Variants in RNF217 observed in about 807,000 individuals in gnomAD.
RNF217 encodes E3 ubiquitin-protein ligase RNF217.
Under a neutral mutation model 57.8 loss-of-function variants are expected in RNF217, and 31 were observed. That is an observed-to-expected ratio of 0.54 (90% CI 0.40 to 0.72). The LOEUF is 0.72. RNF217 is among the 30% of genes least tolerant of loss of function. The probability of loss-of-function intolerance (pLI) is 0.00; values close to 1 mark genes in which losing one functional copy is unlikely to be tolerated. For missense variants in RNF217, 696 were observed against 708.3 expected (o/e 0.98, Z 0.20); for synonymous variants, 313 against 294.0 (o/e 1.06, Z -0.66).
chr6:124,979,979 T>C (rs1464206441), intron 1 of RNF217, among the ~76,000 whole-genome samples: 2 of 152,200 alleles, frequency 1.3e-5, no homozygotes, highest in East Asian at 1.9e-4. Flanking sequence ...GTCTTTAGTA[T>C]AGCAGAACGT....
Position 124,962,572 on chromosome 6 carries a change from G to C in RNF217, c.28G>C (p.Gly10Arg). 1.6e-6 allele frequency: 2 copies of C among 1,247,314 alleles called. No homozygotes were observed. Among genetic ancestry groups the C allele is most frequent in the South Asian group, 3.0e-5 (1 of 33,144 alleles). 77.3% of individuals were successfully genotyped at this position (1,247,314 alleles called of 1,614,324 possible). MGEEQSTVS[G>R]GGGPQESQTL... ...GGGCGAGGAGCAGAGCACGGTGAGC[G>C]GCGGCGGCGGGCCCCAGGAGTCGCA... Residue 10 changes from glycine (G) to arginine (R), a missense_variant, in exon 1 of 6, where the codon GGC (glycine) becomes CGC (arginine). Gly to Arg is a moderately radical substitution (Grantham distance 125, BLOSUM62 -2). This residue lies in a region of RNF217 where 465 missense variants were observed against 386.8 expected (regional missense o/e 1.20). Transcript: ENST00000521654. This position sits in a 1 kb window ranked among gnomAD's most constrained non-coding sequence, Gnocchi z 4.6.
chr6:125,074,307 A>C (rs904676286), intron 3 of RNF217, among the ~76,000 whole-genome samples: 1 of 119,706 alleles, frequency 8.4e-6, no homozygotes, highest in African/African-American at 2.7e-5. Flanking sequence ...GTAGATAGAT[A>C]GATAGATAGA....
chr6:125,080,081 G>T (rs1788519792), intron 4 of RNF217, among the ~76,000 whole-genome samples: 1 of 151,978 alleles, frequency 6.6e-6, no homozygotes, highest in Non-Finnish European at 1.5e-5. Context: ...AAAATATACT[G>T]ATAATTATTT....
intron 1 of RNF217, among the ~76,000 whole-genome samples, chr6:124,978,000 T>C (rs551962968): frequency 8.5e-5 from 13 of 152,254 alleles, no homozygotes; most frequent in African/African-American, 2.9e-4. Context: ...CGTATTCTTA[T>C]TCTGTTAAAG....
chr6:125,012,057 A>G (rs1475151869), intron 1 of RNF217, among the ~76,000 whole-genome samples: 1 of 152,150 alleles, frequency 6.6e-6, no homozygotes, highest in Non-Finnish European at 1.5e-5. Flanking sequence ...AAAGCCTTAG[A>G]TTAAATGAAA....
chr6:124,990,979 A>T (rs954891070), intron 1 of RNF217, among the ~76,000 whole-genome samples: 1 of 152,168 alleles, frequency 6.6e-6, no homozygotes, highest in Non-Finnish European at 1.5e-5. Context: ...AGGTGGGAAG[A>T]TCACATGACC....
intron 1 of RNF217, among the ~76,000 whole-genome samples, chr6:125,035,478 A>C (rs1277219838): frequency 2.0e-5 from 3 of 152,164 alleles, no homozygotes; most frequent in Non-Finnish European, 2.9e-5. Flanking sequence ...GGAGAAATAA[A>C]ATACTTTACA....
intron 2 of RNF217, among the ~76,000 whole-genome samples, chr6:125,046,824 GA>G (rs1161737624): frequency 1.3e-5 from 2 of 151,932 alleles, no homozygotes; most frequent in African/African-American, 4.8e-5. Context: ...GTTGTTCTTT[GA>G]AACTGCTTGG....
At chr6:125,014,359 C>T (rs1455875754) in intron 1 of RNF217, among the ~76,000 whole-genome samples, 8 of 152,112 alleles carry the variant, frequency 5.3e-5, no homozygotes, top group African/African-American at 1.4e-4. Context: ...ACCACAGCCT[C>T]GGTACAATTC....
chr6:124,990,425 TA>T (rs534179037), intron 1 of RNF217, among the ~76,000 whole-genome samples: 114 of 152,340 alleles, frequency 7.5e-4, no homozygotes, highest in African/African-American at 2.6e-3. Context: ...ATTGATTTTA[TA>T]AGAGATATCT....
chr6:125,014,507 C>A (rs1245679940), intron 1 of RNF217, among the ~76,000 whole-genome samples: 1 of 152,122 alleles, frequency 6.6e-6, no homozygotes, highest in Admixed American at 6.6e-5. Flanking sequence ...AGTGTATATG[C>A]CTTTCTGATG....
In RNF217 at chr6:125,084,491, A is replaced by G. The variant is rs1193597870; in HGVS notation, c.*1554A>G. 1 of 152,016 alleles carries G rather than the reference A, an allele frequency of 6.6e-6. No homozygotes were observed. Among genetic ancestry groups the G allele is most frequent in the African/African-American group, 2.4e-5 (1 of 41,440 alleles). The allele number at this position is 152,016 out of a possible 1,614,324, so 9.4% of individuals were successfully genotyped here. A position where few individuals can be genotyped will look rare whatever the true frequency, so the allele number is the denominator to read the frequency against. On this transcript the variant is annotated 3_prime_UTR_variant, in exon 6 of 6. Coordinates refer to ENST00000521654, the MANE Select transcript of RNF217 (RefSeq NM_001286398.3). ...AGTCATCTGTCTTAGATGTACATTTATTTGTCAGCAACCTTGTCTGATTTG... is the reference window on the plus strand; with the variant it reads ...AGTCATCTGTCTTAGATGTACATTTGTTTGTCAGCAACCTTGTCTGATTTG...
intron 1 of RNF217, among the ~76,000 whole-genome samples, chr6:125,017,367 G>C (rs1785651668): frequency 6.6e-6 from 1 of 152,168 alleles, no homozygotes; most frequent in Non-Finnish European, 1.5e-5. Flanking sequence ...CCTAAGCAAG[G>C]TTTTTGAATC....
At chr6:125,030,041 G>A (rs961501940) in intron 1 of RNF217, among the ~76,000 whole-genome samples, 4 of 152,100 alleles carry the variant, frequency 2.6e-5, no homozygotes, top group South Asian at 2.1e-4. Flanking sequence ...GAGGTGAAAG[G>A]CATTTCTTAC....
chr6:124,988,508 G>A (rs1784437542), intron 1 of RNF217, among the ~76,000 whole-genome samples: 1 of 152,170 alleles, frequency 6.6e-6, no homozygotes, highest in African/African-American at 2.4e-5. Context: ...ACACATGATA[G>A]ATTTGAGTAT....
chr6:125,006,156 G>A (rs1386766977), intron 1 of RNF217: 1 of 152,202 alleles, frequency 6.6e-6, no homozygotes, highest in Admixed American at 6.5e-5. Flanking sequence ...GTTAAAGTGT[G>A]AATGAAGAGT....
At chr6:125,048,858 A>G (rs970186660) in intron 2 of RNF217, among the ~76,000 whole-genome samples, 8 of 152,160 alleles carry the variant, frequency 5.3e-5, no homozygotes, top group African/African-American at 1.7e-4. Flanking sequence ...CAAAAATCTG[A>G]GTAAATAGAG....
chr6:125,035,053 C>T (rs1440168392), intron 1 of RNF217, among the ~76,000 whole-genome samples: 1 of 151,996 alleles, frequency 6.6e-6, no homozygotes. Context: ...ATTTTGTATC[C>T]TGAGACTTTG....
At chr6:125,021,952 G>C (rs1204539169) in intron 1 of RNF217, among the ~76,000 whole-genome samples, 1 of 152,078 alleles carries the variant, frequency 6.6e-6, no homozygotes, top group Non-Finnish European at 1.5e-5. Flanking sequence ...CATGATCTCA[G>C]CTCACTGCAA....
Sources: allele counts gnomAD v4.1 joint callset (sites outside exome capture counted in the v4.1 genomes callset), GRCh38; gene constraint gnomAD v4.1.1; regional missense constraint gnomAD v4.1.1; non-coding constraint Gnocchi (gnomAD v3.1); transcripts MANE v1.5; gene names NCBI Gene and HGNC (gene_info 2026-07-23, HGNC 2026-07-21).